BMS1: variants seen among roughly 807,000 people sequenced by gnomAD.
The protein encoded by BMS1 is BMS1 ribosome biogenesis factor, also known as ribosome biogenesis protein BMS1 homolog.
Under a neutral mutation model 138.7 loss-of-function variants are expected in BMS1, and 53 were observed. That is an observed-to-expected ratio of 0.38 (90% CI 0.31 to 0.48). The LOEUF is 0.48. Among genes scored for constraint, BMS1 ranks in the 20% least tolerant of loss-of-function variants. BMS1 has a pLI of 0.97. For missense variants in BMS1, 1,360 were observed against 1,565.5 expected, an observed-to-expected ratio of 0.87 and a Z score of 2.22; for synonymous variants, 504 against 539.9, an observed-to-expected ratio of 0.93 and a Z score of 0.92.
rs1842847563 is a variant in BMS1 at position 42,834,906 on chromosome 10, T to G, written c.*3810T>G. The G allele has an allele frequency of 6.6e-6, 1 of 152,210 alleles. No individual in the cohort carries two copies. The highest frequency in any genetic ancestry group is 6.5e-5 in the Admixed American group (1 of 15,290). The allele number at this position is 152,210 out of a possible 1,614,324, so 9.4% of individuals were successfully genotyped here. ...CCAATTTTTGTTTTGTGATAAAATA[T>G]GCATAATAAAACTTATTTTATCAAT... is the stretch of plus-strand genomic sequence containing the variant. On this transcript the variant is annotated 3_prime_UTR_variant, in exon 23 of 23. Transcript: ENST00000374518.
chr10:42,797,628 C>G, intron 11 of BMS1, 105 bp downstream of exon 11: 1 of 1,035,628 alleles, frequency 9.7e-7, no homozygotes, highest in Non-Finnish European at 1.4e-6. Flanking sequence ...TCCATAATTG[C>G]TGTCCATCAC....
intron 15 of BMS1, among the ~76,000 whole-genome samples, chr10:42,818,077 G>A (rs1009764746): frequency 2.0e-5 from 3 of 152,192 alleles, no homozygotes; most frequent in South Asian, 2.1e-4. Context: ...ACACAGAAAC[G>A]TGTGTACAGT....
chr10:42,827,554 G>A (rs1466913552), intron 21 of BMS1, among the ~76,000 whole-genome samples: 3 of 152,166 alleles, frequency 2.0e-5, no homozygotes, highest in African/African-American at 7.2e-5. Flanking sequence ...GGGGCACAAC[G>A]TCAGTTCCTT....
At chr10:42,784,035 C>G (rs1431738062) in intron 1 of BMS1, among the ~76,000 whole-genome samples, 1 of 152,140 alleles carries the variant, frequency 6.6e-6, no homozygotes, top group Non-Finnish European at 1.5e-5. Context: ...TAAGTAACCA[C>G]ATGTGGCTAA....
At position 42,834,277 on chromosome 10, in the gene BMS1, T is replaced by C. The variant is rs1842841599; in HGVS notation, c.*3181T>C. 6.6e-6 allele frequency: 1 copy of C among 152,156 alleles called. No homozygotes were observed. Among genetic ancestry groups the C allele is most frequent in the Admixed American group, 6.5e-5 (1 of 15,278 alleles). 9.4% of individuals were successfully genotyped at this position (152,156 alleles called of 1,614,324 possible). A position where few individuals can be genotyped will look rare whatever the true frequency, so the allele number is the denominator to read the frequency against. The stretch of plus-strand genomic sequence containing the variant: ...TTTTTAACAAAACCTGTGAACTTGC[T>C]TTAAGTATTATCATTTGGTGACATG... On this transcript the variant is annotated 3_prime_UTR_variant, in exon 23 of 23. Coordinates refer to ENST00000374518, the MANE Select transcript of BMS1 (RefSeq NM_014753.4).
chr10:42,806,891 A>T (rs139494937), intron 13 of BMS1, among the ~76,000 whole-genome samples: 1,854 of 152,290 alleles, frequency 0.012, 11 homozygotes, highest in Middle Eastern at 0.034. Flanking sequence ...ACGAATACAG[A>T]GAGATCTCCT....
intron 13 of BMS1, among the ~76,000 whole-genome samples, chr10:42,816,336 G>A (rs1392838722): frequency 6.6e-6 from 1 of 152,112 alleles, no homozygotes. Context: ...TGTCCATTGT[G>A]TATACTGGAA....
At position 42,821,066 on chromosome 10, in the gene BMS1, GA is replaced by G. The variant is rs1842492016; in HGVS notation, c.3009+75del. 2.5e-6 allele frequency: 3 copies of G among 1,202,434 alleles called. No individual in the cohort carries two copies. In the Admixed American group the frequency reaches 5.8e-5, roughly 23 times the overall value. 74.5% of individuals were successfully genotyped at this position (1,202,434 alleles called of 1,614,324 possible). A position where few individuals can be genotyped will look rare whatever the true frequency, so the allele number is the denominator to read the frequency against. On this transcript the variant is annotated intron_variant, in intron 18 of 22. Coordinates refer to ENST00000374518, the MANE Select transcript of BMS1 (RefSeq NM_014753.4). ...CCTGGGTGTGGGTTATTATGTACAT[GA>G]GACTTTAAGTTGAAAATTACTCATT...
chr10:42,806,549 A>T (rs1385588232), intron 13 of BMS1, among the ~76,000 whole-genome samples: 1 of 152,112 alleles, frequency 6.6e-6, no homozygotes, highest in Non-Finnish European at 1.5e-5. Flanking sequence ...AGCCTGGCCA[A>T]CATGGTGAAA....
chr10:42,792,537 A>C lies in BMS1; in HGVS notation c.824A>C (p.Lys275Thr), dbSNP rs777954291. Residue 275 changes from lysine to threonine, a missense_variant, in exon 7 of 23, where the codon AAA becomes ACA. Physicochemically the swap from Lys to Thr is moderately conservative, Grantham distance 78. Around this residue, in one of 3 missense-constraint regions of BMS1, gnomAD observed 697 missense variants for 686.2 expected, o/e 1.02. Transcript: ENST00000374518. ...CCAGAGGATATCCGAACAAACATCAAATGTGACCGGAAGGTGTCACTTTAT... is the reference window on the plus strand; with the variant it reads ...CCAGAGGATATCCGAACAAACATCACATGTGACCGGAAGGTGTCACTTTAT... ...TNPEDIRTNI[K>T]CDRKVSLYGY... The C allele has an allele frequency of 6.8e-6, 11 of 1,611,656 alleles. No homozygotes were observed. The highest frequency in any genetic ancestry group is 6.8e-6 in the Non-Finnish European group (8 of 1,179,800).
At chr10:42,830,176 A>G in intron 21 of BMS1, 85 bp from the exon 22 acceptor site, 1 of 1,494,944 alleles carries the variant, frequency 6.7e-7, no homozygotes, top group South Asian at 1.2e-5. Flanking sequence ...GGAAAAGTCA[A>G]CCCATTGAGA....
At chr10:42,816,300 A>T (rs1023773395) in intron 13 of BMS1, among the ~76,000 whole-genome samples, 1 of 152,144 alleles carries the variant, frequency 6.6e-6, no homozygotes, top group Non-Finnish European at 1.5e-5. Context: ...CTCTGTCTCC[A>T]AAAATAAAAA....
At chr10:42,799,407 C>T (rs1841800878) in intron 12 of BMS1, among the ~76,000 whole-genome samples, 1 of 152,200 alleles carries the variant, frequency 6.6e-6, no homozygotes, top group South Asian at 2.1e-4. Context: ...GCGCCAGCCC[C>T]TTTCTCTCTA....
chr10:42,804,863 G>A (rs1028907397), intron 13 of BMS1, among the ~76,000 whole-genome samples: 13 of 151,762 alleles, frequency 8.6e-5, no homozygotes, highest in African/African-American at 2.7e-4. Flanking sequence ...GATTACAGGC[G>A]CCCGCCACCA....
intron 1 of BMS1, 91 bp downstream of exon 1, chr10:42,782,921 C>T (rs941553389): frequency 6.6e-6 from 1 of 152,462 alleles, no homozygotes; most frequent in African/African-American, 2.4e-5. Context: ...GGAAGGTCCT[C>T]CCCCGGTCCT....
At position 42,796,564 on chromosome 10, in the gene BMS1, A is replaced by G. The variant is rs75335787; in HGVS notation, c.1320A>G (p.Gly440=). ...KAIFGDEDES[G]DSDDEEDDEM... is the part of the protein sequence containing the mutation. The stretch of plus-strand genomic sequence containing the variant: ...TTTTCGGAGATGAAGATGAATCTGG[A>G]GATAGTGATGATGAAGAAGATGATG... Residue 440 remains glycine, a synonymous_variant, in exon 10 of 23, where the codon GGA becomes GGG. Transcript: ENST00000374518. 820 of 1,614,172 alleles carry G rather than the reference A, an allele frequency of 5.1e-4. 13 individuals are homozygous for G. The East Asian group carries it at 0.018, about 36-fold the overall frequency.
intron 13 of BMS1, among the ~76,000 whole-genome samples, chr10:42,804,776 G>C (rs558579610): frequency 6.6e-6 from 1 of 151,380 alleles, no homozygotes; most frequent in Non-Finnish European, 1.5e-5. Context: ...CCCAGAGTGC[G>C]ATGTGATCTC....
At position 42,796,976 on chromosome 10, in the gene BMS1, G is replaced by A. The variant is rs375201810; in HGVS notation, c.1732G>A (p.Asp578Asn). Residue 578 changes from aspartate (D) to asparagine (N), a missense_variant, in exon 10 of 23, where the codon GAT becomes AAT. By Grantham distance (23) the Asp-to-Asn change is conservative (BLOSUM62 1). Coordinates refer to ENST00000374518, the MANE Select transcript of BMS1 (RefSeq NM_014753.4). ...LMKKAALPTF[D>N]SGHCTAEEVF... The stretch of plus-strand genomic sequence containing the variant: ...GAAGAAAGCAGCTCTCCCCACTTTC[G>A]ATTCTGGGCATTGCACAGCTGAAGA... The A allele has an allele frequency of 1.7e-4, 270 of 1,614,162 alleles. 1 individual carries two copies. The highest frequency in any genetic ancestry group is 2.3e-4 in the South Asian group (21 of 91,070).
In BMS1 at chr10:42,798,573, T is replaced by C; in HGVS notation, c.2195T>C (p.Leu732Ser). ...DRECKHKADS[L>S]DCSRFLVEAP... is the part of the protein sequence containing the mutation. ...GAGTGTAAGCACAAGGCTGACTCTT[T>C]GGACTGCTCCAGATTTCTTGTGGAG... The change falls in exon 12 of 23, where the codon TTG becomes TCG. Residue 732 changes from leucine (L) to serine (S), a missense_variant. Leu to Ser is a moderately radical substitution (Grantham distance 145). Transcript: ENST00000374518. 6.2e-7 allele frequency: 1 copy of C among 1,614,266 alleles called. No homozygotes were observed. Among genetic ancestry groups the C allele is most frequent in the South Asian group, 1.1e-5 (1 of 91,090 alleles).
Sources: allele counts gnomAD v4.1 joint callset (sites outside exome capture counted in the v4.1 genomes callset), GRCh38; gene constraint gnomAD v4.1.1; regional missense constraint gnomAD v4.1.1; transcripts MANE v1.5; gene names NCBI Gene and HGNC (gene_info 2026-07-23, HGNC 2026-07-21).